SYCP2L: variants seen among roughly 807,000 people sequenced by gnomAD.
SYCP2L encodes synaptonemal complex protein 2-like.
Under a neutral mutation model 125.8 loss-of-function variants are expected in SYCP2L, and 98 were observed. The observed-to-expected ratio is 0.78, with a 90% CI of 0.66 to 0.92. The LOEUF (loss-of-function observed/expected upper bound fraction) is 0.92, where lower values mean the gene tolerates loss of function less well. Ranked by LOEUF, SYCP2L falls within the 40% of genes least tolerant of loss-of-function variation. The pLI, the probability that SYCP2L is intolerant of heterozygous loss-of-function variation, is 0.00. For synonymous variants in SYCP2L, 317 were observed against 325.4 expected, an observed-to-expected ratio of 0.97 and a Z score of 0.28; for missense variants, 842 against 936.4, an observed-to-expected ratio of 0.90 and a Z score of 1.32.
At chr6:10,948,240 A>G (rs1781349822) in intron 23 of SYCP2L, among the ~76,000 whole-genome samples, 1 of 152,108 alleles carries the variant, frequency 6.6e-6, no homozygotes, top group Admixed American at 6.6e-5. Context: ...TTTCAAGTAC[A>G]TATACATTAT....
At position 10,926,437 on chromosome 6, in the gene SYCP2L, A is replaced by T. The variant is rs1780898680; in HGVS notation, c.1312+5A>T. Reference sequence around the variant, plus strand: ...GTGGCCTTGAAAGAGAAACAGGTATATTGGGAAATAACAAAATTCTGACCC... The same window carrying T: ...GTGGCCTTGAAAGAGAAACAGGTATTTTGGGAAATAACAAAATTCTGACCC... On this transcript the variant is annotated splice_donor_5th_base_variant and intron_variant, in intron 16 of 29. Transcript: ENST00000283141. 3 of 1,603,222 alleles carry T rather than the reference A, an allele frequency of 1.9e-6. No individual in the cohort carries two copies. Among genetic ancestry groups the T allele is most frequent in the Non-Finnish European group, 1.7e-6 (2 of 1,171,804 alleles).
chr6:10,904,452 C>T (rs894999477), intron 8 of SYCP2L, among the ~76,000 whole-genome samples: 6 of 152,150 alleles, frequency 3.9e-5, no homozygotes, highest in South Asian at 2.1e-4. Context: ...TCACTGCTGT[C>T]GTGTTTGTCC....
chr6:10,946,862 A>T (rs1225164583), intron 23 of SYCP2L, among the ~76,000 whole-genome samples: 1 of 151,938 alleles, frequency 6.6e-6, no homozygotes, highest in Admixed American at 6.5e-5. Flanking sequence ...TGGCATTTGT[A>T]GGGAATCTGG....
At chr6:10,937,843 C>T (rs1051985131) in intron 21 of SYCP2L, among the ~76,000 whole-genome samples, 4 of 151,870 alleles carry the variant, frequency 2.6e-5, no homozygotes, top group Admixed American at 6.6e-5. Context: ...TAGAAACATG[C>T]GACCTACCAA....
At chr6:10,966,488 A>G (rs1413795645) in intron 29 of SYCP2L, among the ~76,000 whole-genome samples, 2 of 152,186 alleles carry the variant, frequency 1.3e-5, no homozygotes, top group African/African-American at 4.8e-5. Flanking sequence ...GGACCAATGG[A>G]TGGGAGATGG....
At chr6:10,915,313 T>C (rs1055757281) in intron 14 of SYCP2L, among the ~76,000 whole-genome samples, 1 of 152,188 alleles carries the variant, frequency 6.6e-6, no homozygotes, top group Non-Finnish European at 1.5e-5. Context: ...GCCCTTTATT[T>C]CTGTCTCTTG....
intron 25 of SYCP2L, among the ~76,000 whole-genome samples, chr6:10,957,642 G>A (rs1740485114): frequency 6.6e-6 from 1 of 152,094 alleles, no homozygotes; most frequent in African/African-American, 2.4e-5. Flanking sequence ...GTGAGACCCT[G>A]TCTCTACAAA....
chr6:10,925,780 T>A (rs1225765), intron 15 of SYCP2L, among the ~76,000 whole-genome samples: 149,994 of 152,348 alleles, frequency 0.98, 73,869 homozygotes, highest in East Asian at 1. Context: ...GTCACTTGGT[T>A]AAAAAACACC....
chr6:10,926,960 C>T (rs1780908583), intron 16 of SYCP2L, among the ~76,000 whole-genome samples: 1 of 151,890 alleles, frequency 6.6e-6, no homozygotes, highest in Non-Finnish European at 1.5e-5. Context: ...TTTGTATTTT[C>T]AGCAGAGACG....
At chr6:10,891,464 A>G in intron 1 of SYCP2L, 49 bp from the exon 2 acceptor site, 1 of 1,082,312 alleles carries the variant, frequency 9.2e-7, no homozygotes. Context: ...CTTGAAATGC[A>G]TTTCTTTGAA....
intron 11 of SYCP2L, 104 bp from the exon 12 acceptor site, chr6:10,910,720 G>A: frequency 8.3e-7 from 1 of 1,209,748 alleles, no homozygotes; most frequent in Non-Finnish European, 1.2e-6. Flanking sequence ...TGTACGAGGA[G>A]ACTTAATGGC....
chr6:10,934,225 T>A (rs1335446178), intron 20 of SYCP2L, among the ~76,000 whole-genome samples: 1 of 152,256 alleles, frequency 6.6e-6, no homozygotes, highest in African/African-American at 2.4e-5. Flanking sequence ...TTTGCAAATG[T>A]CTTTAAGGTA....
intron 14 of SYCP2L, among the ~76,000 whole-genome samples, chr6:10,918,369 A>G (rs1780726973): frequency 6.6e-6 from 1 of 150,992 alleles, no homozygotes; most frequent in African/African-American, 2.4e-5. Flanking sequence ...TATATTTTCC[A>G]AACTTTCGTA....
chr6:10,934,378 T>G (rs1781055450), intron 20 of SYCP2L, among the ~76,000 whole-genome samples: 1 of 152,224 alleles, frequency 6.6e-6, no homozygotes, highest in Non-Finnish European at 1.5e-5. Flanking sequence ...GCAGAGCCAT[T>G]AGAAGACAAC....
intron 23 of SYCP2L, among the ~76,000 whole-genome samples, chr6:10,948,664 A>T (rs1781357945): frequency 6.6e-6 from 1 of 152,146 alleles, no homozygotes. Flanking sequence ...GAGTGGAACA[A>T]ACCTGTACTT....
intron 21 of SYCP2L, among the ~76,000 whole-genome samples, chr6:10,938,589 A>G (rs758320264): frequency 1.3e-5 from 2 of 152,234 alleles, no homozygotes; most frequent in Non-Finnish European, 2.9e-5. Flanking sequence ...AATAAAAGAC[A>G]TCCAAATAGG....
chr6:10,964,965 G>A (rs1020895954), intron 29 of SYCP2L, among the ~76,000 whole-genome samples: 1 of 152,132 alleles, frequency 6.6e-6, no homozygotes, highest in Non-Finnish European at 1.5e-5. Flanking sequence ...TGAATTGGGA[G>A]GATGGTAGAC....
At chr6:10,939,705 C>T (rs899582977) in intron 21 of SYCP2L, among the ~76,000 whole-genome samples, 1 of 152,074 alleles carries the variant, frequency 6.6e-6, no homozygotes, top group African/African-American at 2.4e-5. Flanking sequence ...TTGTTTTATA[C>T]CATATACAAA....
Position 10,938,457 on chromosome 6 carries a change from A to G in SYCP2L, c.1813+3270A>G, listed in dbSNP as rs193196070. Reference sequence around the variant, plus strand: ...AAGCCCAGAGCTAGCATTCCACTCAATGGTGAAAAGCTGAAAGCTTTTCCT... The same window carrying G: ...AAGCCCAGAGCTAGCATTCCACTCAGTGGTGAAAAGCTGAAAGCTTTTCCT... On this transcript the variant is annotated intron_variant, in intron 21 of 29. Coordinates refer to ENST00000283141, the MANE Select transcript of SYCP2L (RefSeq NM_001040274.3). 6.7e-4 allele frequency among the ~76,000 whole-genome samples: 102 copies of G among 152,336 alleles called. 1 individual carries two copies. Among genetic ancestry groups the G allele is most frequent in the Non-Finnish European group, 1.3e-3 (87 of 68,028 alleles).
Sources: allele counts gnomAD v4.1 joint callset (sites outside exome capture counted in the v4.1 genomes callset), GRCh38; gene constraint gnomAD v4.1.1; transcripts MANE v1.5; gene names NCBI Gene and HGNC (gene_info 2026-07-23, HGNC 2026-07-21).